The following TSHZ3 variants were observed in gnomAD, a reference collection of about 807,000 sequenced individuals.
TSHZ3 encodes teashirt homolog 3.
TSHZ3 carries 10 observed loss-of-function variants against 64.5 expected under a neutral mutation model. The observed-to-expected ratio is 0.16, with a 90% CI of 0.10 to 0.26. The LOEUF is 0.26. Ranked by LOEUF, TSHZ3 falls within the 10% of genes least tolerant of loss-of-function variation. The probability of loss-of-function intolerance (pLI) is 1.00; values close to 1 mark genes in which losing one functional copy is unlikely to be tolerated. For missense variants in TSHZ3, 1,242 were observed against 1,421.7 expected (o/e 0.87, Z 2.03); for synonymous variants, 608 against 593.1 (o/e 1.03, Z -0.36).
chr19:31,242,416 A>G (rs1005399180), exon 3 of TSHZ3, among the ~76,000 whole-genome samples: 1 of 152,188 alleles, frequency 6.6e-6, no homozygotes. Flanking sequence ...AAAGGCCTGA[A>G]AACCTGGGGC....
At chr19:31,199,855 T>C (rs926591843) in intron 5 of TSHZ3, among the ~76,000 whole-genome samples, 1 of 143,306 alleles carries the variant, frequency 7.0e-6, no homozygotes, top group African/African-American at 2.6e-5. Flanking sequence ...AACAAAGAAC[T>C]CTTAAAACTC....
rs1341615083 is a variant in TSHZ3, at chr19:31,279,917, T to C, written c.41-165A>G. Among the ~76,000 whole-genome samples the C allele has an allele frequency of 6.7e-6, 1 of 149,108 alleles. No homozygotes were observed. Among genetic ancestry groups the C allele is most frequent in the Non-Finnish European group, 1.5e-5 (1 of 67,546 alleles). ...CAACCCAGATGGGTACATGTATTTGTAAAATTAAACAGTTAAAATGTGGTG... is the reference window on the plus strand; with the variant it reads ...CAACCCAGATGGGTACATGTATTTGCAAAATTAAACAGTTAAAATGTGGTG... On this transcript the variant is annotated intron_variant, in intron 1 of 1. Coordinates refer to ENST00000240587, the MANE Select transcript of TSHZ3 (RefSeq NM_020856.4). This position sits in a 1 kb window ranked among gnomAD's most constrained non-coding sequence, Gnocchi z 6.4.
intron 1 of TSHZ3, among the ~76,000 whole-genome samples, chr19:31,290,927 C>T (rs765937228): frequency 1.1e-4 from 16 of 152,064 alleles, no homozygotes; most frequent in African/African-American, 2.4e-4. Context: ...ATTTTGTACA[C>T]GCTAATTTGA....
At chr19:31,342,328 T>C (rs921693657) in intron 1 of TSHZ3, among the ~76,000 whole-genome samples, 1 of 152,228 alleles carries the variant, frequency 6.6e-6, no homozygotes, top group African/African-American at 2.4e-5. Context: ...GGGAAAAAGC[T>C]GTATTCTCTT....
At chr19:31,186,307 T>C (rs1257020990) in intron 5 of TSHZ3, among the ~76,000 whole-genome samples, 1 of 152,140 alleles carries the variant, frequency 6.6e-6, no homozygotes, top group Non-Finnish European at 1.5e-5. Flanking sequence ...ATAATCCCCA[T>C]GTGTCACGGG....
At chr19:31,307,624 C>T (rs562507487) in intron 1 of TSHZ3, among the ~76,000 whole-genome samples, 4 of 152,276 alleles carry the variant, frequency 2.6e-5, no homozygotes, top group African/African-American at 7.2e-5. Flanking sequence ...GTGGGTCAGT[C>T]GTACACAAAC....
At chr19:31,311,365 G>C (rs949337771) in intron 1 of TSHZ3, among the ~76,000 whole-genome samples, 1 of 152,214 alleles carries the variant, frequency 6.6e-6, no homozygotes, top group Non-Finnish European at 1.5e-5. Context: ...GGGGAGGCAG[G>C]AGAAGCTGGG....
intron 1 of TSHZ3, among the ~76,000 whole-genome samples, chr19:31,329,228 C>T (rs1032207156): frequency 1.3e-5 from 2 of 152,156 alleles, no homozygotes; most frequent in South Asian, 2.1e-4. Context: ...TTTGTCAACC[C>T]TAATTGTGTA....
chr19:31,254,811 C>A (rs1038300344), intron 1 of TSHZ3, among the ~76,000 whole-genome samples: 2 of 152,106 alleles, frequency 1.3e-5, no homozygotes, highest in Non-Finnish European at 2.9e-5. Flanking sequence ...CTGAAGTCAT[C>A]CATGAATCCT....
In TSHZ3 at chr19:31,349,261, T is replaced by C. The variant is rs934017091; in HGVS notation, c.-42A>G. ...CTGCCACTGCCGCCGCCGCCGCCGC[T>C]GCCGGGCTGAGGACAGGGAGGGAGG... On this transcript the variant is annotated 5_prime_UTR_variant, in exon 1 of 2. Coordinates refer to ENST00000240587, the MANE Select transcript of TSHZ3 (RefSeq NM_020856.4). The C allele has an allele frequency of 2.8e-5, 42 of 1,517,134 alleles. No individual in the cohort carries two copies. The highest frequency in any genetic ancestry group is 3.5e-5 in the Non-Finnish European group (40 of 1,136,572). The allele number at this position is 1,517,134 out of a possible 1,614,324, so 94.0% of individuals were successfully genotyped here.
chr19:31,196,021 C>A (rs1434258181), intron 5 of TSHZ3, among the ~76,000 whole-genome samples: 2 of 151,614 alleles, frequency 1.3e-5, no homozygotes, highest in Non-Finnish European at 3.0e-5. Flanking sequence ...TTCTGTACAG[C>A]AATACAGTAT....
chr19:31,334,877 A>G (rs943266336), intron 1 of TSHZ3, among the ~76,000 whole-genome samples: 7 of 152,154 alleles, frequency 4.6e-5, no homozygotes, highest in South Asian at 4.1e-4. Context: ...GCCAAAATGC[A>G]CACCCACAGA....
intron 1 of TSHZ3, among the ~76,000 whole-genome samples, chr19:31,329,359 T>C (rs1197407097): frequency 6.6e-6 from 1 of 152,208 alleles, no homozygotes; most frequent in Non-Finnish European, 1.5e-5. Context: ...GGGCTAAAGT[T>C]TACATTTATA....
In TSHZ3 at chr19:31,349,235, AC is replaced by A. The variant is rs1166143323; in HGVS notation, c.-17del. ...TCCTCGGCATGATGCTTCTCCGGCGACTGCCACTGCCGCCGCCGCCGCCGCT... is the reference window on the plus strand; with the variant it reads ...TCCTCGGCATGATGCTTCTCCGGCGATGCCACTGCCGCCGCCGCCGCCGCT... On this transcript the variant is annotated 5_prime_UTR_variant, in exon 1 of 2. Transcript: ENST00000240587. 67 of 1,533,904 alleles carry A rather than the reference AC, an allele frequency of 4.4e-5. No homozygotes were observed. Among genetic ancestry groups the A allele is most frequent in the Non-Finnish European group, 5.4e-5 (62 of 1,142,186 alleles).
chr19:31,184,518 C>G (rs1434561796), intron 5 of TSHZ3, among the ~76,000 whole-genome samples: 2 of 152,168 alleles, frequency 1.3e-5, no homozygotes, highest in African/African-American at 2.4e-5. Context: ...TGTCTCCCAC[C>G]CCTGCATTTG....
intron 1 of TSHZ3, among the ~76,000 whole-genome samples, chr19:31,299,174 G>A (rs1568373446): frequency 6.6e-6 from 1 of 152,156 alleles, no homozygotes; most frequent in East Asian, 1.9e-4. Flanking sequence ...CAGCCTGGGT[G>A]ACAGGGCGAG....
At chr19:31,230,799 A>G (rs1047526668) in intron 3 of TSHZ3, among the ~76,000 whole-genome samples, 3 of 145,792 alleles carry the variant, frequency 2.1e-5, no homozygotes, top group African/African-American at 7.7e-5. Context: ...TCCCGGGTTC[A>G]TGCCATTCTC....
At chr19:31,290,801 G>T (rs1419681898) in intron 1 of TSHZ3, among the ~76,000 whole-genome samples, 1 of 152,182 alleles carries the variant, frequency 6.6e-6, no homozygotes, top group Non-Finnish European at 1.5e-5. Context: ...GGCTCTGGGG[G>T]AAGGAAAAGT....
intron 1 of TSHZ3, among the ~76,000 whole-genome samples, chr19:31,263,619 C>T (rs1001113608): frequency 6.6e-6 from 1 of 152,040 alleles, no homozygotes; most frequent in South Asian, 2.1e-4. Context: ...TCATTTTGTG[C>T]GGGGCCAAGA....
Sources: gnomAD v4.1 joint callset for allele counts (sites outside exome capture counted in the v4.1 genomes callset) on GRCh38, gnomAD v4.1.1 for gene constraint, Gnocchi (gnomAD v3.1) non-coding constraint, MANE v1.5 for transcripts, NCBI Gene and HGNC (gene_info 2026-07-23, HGNC 2026-07-21) for gene names.